The following KRTAP4-4 variants were observed in gnomAD, a reference collection of about 807,000 sequenced individuals.
KRTAP4-4 encodes keratin-associated protein 4-4.
For synonymous variants in KRTAP4-4, 88 were observed against 76.4 expected (o/e 1.15, Z -0.79); for missense variants, 186 against 206.9 (o/e 0.90, Z 0.62).
In KRTAP4-4 at chr17:41,160,436, A is replaced by G. The variant is rs1281496007; in HGVS notation, c.256T>C (p.Cys86Arg). 6.2e-7 allele frequency: 1 copy of G among 1,613,234 alleles called. No homozygotes were observed. Among genetic ancestry groups the G allele is most frequent in the African/African-American group, 1.3e-5 (1 of 74,714 alleles). Residue 86 changes from cysteine to arginine, a missense_variant, in exon 1 of 1, where the codon TGC becomes CGC. Transcript: ENST00000390661. ...CQSVCCQPTCCRPQCCQTTCC... is the reference protein window; with the variant it reads ...CQSVCCQPTCRRPQCCQTTCC... ...GTAGTCTGGCAGCATTGGGGTCTGC[A>G]GCAGGTGGGCTGGCAGCACACAGAC...
Position 41,160,695 on chromosome 17 carries a change from G to A in KRTAP4-4, c.-4C>T. On this transcript the variant is annotated 5_prime_UTR_variant, in exon 1 of 1. Coordinates refer to ENST00000390661, the MANE Select transcript of KRTAP4-4 (RefSeq NM_032524.2). Reference sequence around the variant, plus strand: ...AGCCACAACAGGAGTTGACCATGGTGTCAGAGGGTGGAGGTTCTGGGTGGG... The same window carrying A: ...AGCCACAACAGGAGTTGACCATGGTATCAGAGGGTGGAGGTTCTGGGTGGG... The A allele has an allele frequency of 6.2e-7, 1 of 1,604,012 alleles. No homozygotes were observed. Among genetic ancestry groups the A allele is most frequent in the Non-Finnish European group, 8.5e-7 (1 of 1,173,536 alleles).
Position 41,159,912 on chromosome 17 carries a change from G to T in KRTAP4-4, c.*279C>A. ...GCTTCCCATAACTCAGCTCATAGAT[G>T]AGCTACATCAAGAATGCTGGTTGAT... On this transcript the variant is annotated 3_prime_UTR_variant, in exon 1 of 1. Transcript: ENST00000390661. The T allele has an allele frequency of 1.7e-6, 1 of 586,130 alleles. No individual in the cohort carries two copies. The highest frequency in any genetic ancestry group is 2.1e-5 in the South Asian group (1 of 47,962). 36.3% of individuals were successfully genotyped at this position (586,130 alleles called of 1,614,324 possible).
At position 41,159,808 on chromosome 17, in the gene KRTAP4-4, G is replaced by T; in HGVS notation, c.*383C>A. On this transcript the variant is annotated 3_prime_UTR_variant, in exon 1 of 1. Transcript: ENST00000390661. ...TTACAACTTATGTTCATTTGGTAGAGAGGTAAAATGTGGGGGGAGCATATA... is the reference window on the plus strand; with the variant it reads ...TTACAACTTATGTTCATTTGGTAGATAGGTAAAATGTGGGGGGAGCATATA... The T allele has an allele frequency of 3.2e-6, 1 of 308,762 alleles. No homozygotes were observed. Among genetic ancestry groups the T allele is most frequent in the Non-Finnish European group, 6.0e-6 (1 of 166,204 alleles). The allele number at this position is 308,762 out of a possible 1,614,324, so 19.1% of individuals were successfully genotyped here. A position where few individuals can be genotyped will look rare whatever the true frequency, so the allele number is the denominator to read the frequency against.
In KRTAP4-4 at chr17:41,160,184, A is replaced by G. The variant is rs765864347; in HGVS notation, c.*7T>C. 22 of 1,611,202 alleles carry G rather than the reference A, an allele frequency of 1.4e-5. No homozygotes were observed. Among genetic ancestry groups the G allele is most frequent in the Non-Finnish European group, 1.8e-5 (21 of 1,178,244 alleles). ...GTCCTGTAGCAGGTGGTTTGCCAGC[A>G]GATGGGCTAGCAGCATAGAGACTGG... On this transcript the variant is annotated 3_prime_UTR_variant, in exon 1 of 1. Coordinates refer to ENST00000390661, the MANE Select transcript of KRTAP4-4 (RefSeq NM_032524.2).
In KRTAP4-4 at chr17:41,160,030, C is replaced by T. The variant is rs760540329; in HGVS notation, c.*161G>A. On this transcript the variant is annotated 3_prime_UTR_variant, in exon 1 of 1. Coordinates refer to ENST00000390661, the MANE Select transcript of KRTAP4-4 (RefSeq NM_032524.2). Reference sequence around the variant, plus strand: ...CATGGTCTGGCAGCAGTTGGGGCGGCAGCAACTGGAGATGCAGCAGGAGAG... The same window carrying T: ...CATGGTCTGGCAGCAGTTGGGGCGGTAGCAACTGGAGATGCAGCAGGAGAG... The T allele has an allele frequency of 1.3e-5, 16 of 1,218,764 alleles. No individual in the cohort carries two copies. Among genetic ancestry groups the T allele is most frequent in the Admixed American group, 2.3e-5 (1 of 43,662 alleles). 75.5% of individuals were successfully genotyped at this position (1,218,764 alleles called of 1,614,324 possible).
In KRTAP4-4 at chr17:41,160,064, A is replaced by C; in HGVS notation, c.*127T>G. 7.0e-7 allele frequency: 1 copy of C among 1,436,662 alleles called. No homozygotes were observed. The highest frequency in any genetic ancestry group is 9.5e-7 in the Non-Finnish European group (1 of 1,051,498). The allele number at this position is 1,436,662 out of a possible 1,614,324, so 89.0% of individuals were successfully genotyped here. A position where few individuals can be genotyped will look rare whatever the true frequency, so the allele number is the denominator to read the frequency against. The stretch of plus-strand genomic sequence containing the variant: ...GAGATGCAGCAGGAGAGCCTGCAGC[A>C]GCTGAAGCCACAGCAGGAGGAGCTA... On this transcript the variant is annotated 3_prime_UTR_variant, in exon 1 of 1. Transcript: ENST00000390661.
Position 41,160,023 on chromosome 17 carries a change from G to T in KRTAP4-4, c.*168C>A. The T allele has an allele frequency of 3.5e-6, 4 of 1,142,870 alleles. No individual in the cohort carries two copies. Among genetic ancestry groups the T allele is most frequent in the Non-Finnish European group, 5.0e-6 (4 of 795,682 alleles). The allele number at this position is 1,142,870 out of a possible 1,614,324, so 70.8% of individuals were successfully genotyped here. On this transcript the variant is annotated 3_prime_UTR_variant, in exon 1 of 1. Transcript: ENST00000390661. Reference sequence around the variant, plus strand: ...GGCAGCACATGGTCTGGCAGCAGTTGGGGCGGCAGCAACTGGAGATGCAGC... The same window carrying T: ...GGCAGCACATGGTCTGGCAGCAGTTTGGGCGGCAGCAACTGGAGATGCAGC...
In KRTAP4-4 at chr17:41,159,863, G is replaced by T; in HGVS notation, c.*328C>A. On this transcript the variant is annotated 3_prime_UTR_variant, in exon 1 of 1. Transcript: ENST00000390661. ...GAGGCCAGATTCAATCTAAGAATTG[G>T]TTGGAACTGAAGTTTTCCAACTAGC... The T allele has an allele frequency of 2.2e-6, 1 of 449,734 alleles. No homozygotes were observed. The highest frequency in any genetic ancestry group is 4.0e-6 in the Non-Finnish European group (1 of 247,730). 27.9% of individuals were successfully genotyped at this position (449,734 alleles called of 1,614,324 possible). A position where few individuals can be genotyped will look rare whatever the true frequency, so the allele number is the denominator to read the frequency against.
In KRTAP4-4 at chr17:41,160,369, G is replaced by T; in HGVS notation, c.323C>A (p.Pro108His). 1 of 1,612,348 alleles carries T rather than the reference G, an allele frequency of 6.2e-7. No individual in the cohort carries two copies. Among genetic ancestry groups the T allele is most frequent in the Middle Eastern group, 1.7e-4 (1 of 5,976 alleles). The change falls in exon 1 of 1, where the codon CCC (proline) becomes CAC (histidine). Residue 108 changes from proline to histidine, a missense_variant. Physicochemically the swap from Pro to His is moderately conservative, Grantham distance 77. Transcript: ENST00000390661. ...GCAGCACACAGACTGGCAGCACTGG[G>T]GCCTGCAGCAGCTGGGGCGGCAGCA... The part of the protein sequence containing the change: ...TTCCRPSCCR[P>H]QCCQSVCCQP...
In KRTAP4-4 at chr17:41,160,426, T is replaced by C; in HGVS notation, c.266A>G (p.Gln89Arg). The C allele has an allele frequency of 6.3e-7, 1 of 1,581,520 alleles. No individual in the cohort carries two copies. Among genetic ancestry groups the C allele is most frequent in the East Asian group, 2.3e-5 (1 of 43,404 alleles). The part of the protein sequence containing the change: ...VCCQPTCCRP[Q>R]CCQTTCCRTT... ...CCTACAGCAGGTAGTCTGGCAGCAT[T>C]GGGGTCTGCAGCAGGTGGGCTGGCA... Residue 89 changes from glutamine (Q) to arginine (R), a missense_variant, in exon 1 of 1, where the codon CAA (glutamine) becomes CGA (arginine). By Grantham distance (43) the Gln-to-Arg change is conservative (BLOSUM62 1). Coordinates refer to ENST00000390661, the MANE Select transcript of KRTAP4-4 (RefSeq NM_032524.2).
In KRTAP4-4 at chr17:41,160,508, G is replaced by T; in HGVS notation, c.184C>A (p.His62Asn). The T allele has an allele frequency of 1.2e-6, 2 of 1,612,418 alleles. No homozygotes were observed. Among genetic ancestry groups the T allele is most frequent in the South Asian group, 1.1e-5 (1 of 91,002 alleles). Reference sequence around the variant, plus strand: ...CAGCTGGACACACAGCAGCTGGGGTGGCAGCAGGTGGTCCTGCAGCAGGTG... The same window carrying T: ...CAGCTGGACACACAGCAGCTGGGGTTGCAGCAGGTGGTCCTGCAGCAGGTG... ...QTTCCRTTCC[H>N]PSCCVSSCCR... Residue 62 changes from histidine (H) to asparagine (N), a missense_variant, in exon 1 of 1, where the codon CAC becomes AAC. Physicochemically the swap from His to Asn is moderately conservative, Grantham distance 68. Transcript: ENST00000390661.
In KRTAP4-4 at chr17:41,159,947, G is replaced by A. The variant is rs771789845; in HGVS notation, c.*244C>T. The A allele has an allele frequency of 3.1e-6, 2 of 644,692 alleles. No individual in the cohort carries two copies. The highest frequency in any genetic ancestry group is 1.8e-5 in the African/African-American group (1 of 54,550). 39.9% of individuals were successfully genotyped at this position (644,692 alleles called of 1,614,324 possible). On this transcript the variant is annotated 3_prime_UTR_variant, in exon 1 of 1. Transcript: ENST00000390661. ...AAGAATGCTGGTTGATGAGAATCTG[G>A]TGAGTCCAGATGACAGCCTCAGCAG...
chr17:41,160,387 C>G lies in KRTAP4-4; in HGVS notation c.305G>C (p.Arg102Pro). 6.2e-7 allele frequency: 1 copy of G among 1,602,934 alleles called. No individual in the cohort carries two copies. The highest frequency in any genetic ancestry group is 1.1e-5 in the South Asian group (1 of 90,616). The change falls in exon 1 of 1, where the codon CGC (arginine) becomes CCC (proline). Residue 102 changes from arginine to proline, a missense_variant. Transcript: ENST00000390661. The part of the protein sequence containing the change: ...QTTCCRTTCC[R>P]PSCCRPQCCQ... Reference sequence around the variant, plus strand: ...GCACTGGGGCCTGCAGCAGCTGGGGCGGCAGCAGGTGGTCCTACAGCAGGT... The same window carrying G: ...GCACTGGGGCCTGCAGCAGCTGGGGGGGCAGCAGGTGGTCCTACAGCAGGT...
Position 41,159,882 on chromosome 17 carries a change from A to G in KRTAP4-4, c.*309T>C, listed in dbSNP as rs1317188986. 1.8e-5 allele frequency: 9 copies of G among 501,672 alleles called. No homozygotes were observed. Among genetic ancestry groups the G allele is most frequent in the Non-Finnish European group, 2.5e-5 (7 of 278,058 alleles). The allele number at this position is 501,672 out of a possible 1,614,324, so 31.1% of individuals were successfully genotyped here. A position where few individuals can be genotyped will look rare whatever the true frequency, so the allele number is the denominator to read the frequency against. Reference sequence around the variant, plus strand: ...GAATTGGTTGGAACTGAAGTTTTCCAACTAGCTTCCCATAACTCAGCTCAT... The same window carrying G: ...GAATTGGTTGGAACTGAAGTTTTCCGACTAGCTTCCCATAACTCAGCTCAT... On this transcript the variant is annotated 3_prime_UTR_variant, in exon 1 of 1. Coordinates refer to ENST00000390661, the MANE Select transcript of KRTAP4-4 (RefSeq NM_032524.2).
At position 41,159,824 on chromosome 17, in the gene KRTAP4-4, G is replaced by A. The variant is rs1248963932; in HGVS notation, c.*367C>T. 8.6e-6 allele frequency: 3 copies of A among 347,966 alleles called. No individual in the cohort carries two copies. The highest frequency in any genetic ancestry group is 4.4e-5 in the Admixed American group (1 of 22,922). 21.6% of individuals were successfully genotyped at this position (347,966 alleles called of 1,614,324 possible). ...TTTGGTAGAGAGGTAAAATGTGGGG[G>A]GAGCATATATTTGGAGGCCAGATTC... On this transcript the variant is annotated 3_prime_UTR_variant, in exon 1 of 1. Coordinates refer to ENST00000390661, the MANE Select transcript of KRTAP4-4 (RefSeq NM_032524.2).
Position 41,159,870 on chromosome 17 carries a change from C to G in KRTAP4-4, c.*321G>C. 1 of 472,788 alleles carries G rather than the reference C, an allele frequency of 2.1e-6. No individual in the cohort carries two copies. Among genetic ancestry groups the G allele is most frequent in the Non-Finnish European group, 3.8e-6 (1 of 260,708 alleles). The allele number at this position is 472,788 out of a possible 1,614,324, so 29.3% of individuals were successfully genotyped here. Reference sequence around the variant, plus strand: ...GATTCAATCTAAGAATTGGTTGGAACTGAAGTTTTCCAACTAGCTTCCCAT... The same window carrying G: ...GATTCAATCTAAGAATTGGTTGGAAGTGAAGTTTTCCAACTAGCTTCCCAT... On this transcript the variant is annotated 3_prime_UTR_variant, in exon 1 of 1. Transcript: ENST00000390661.
chr17:41,160,039 G>C lies in KRTAP4-4; in HGVS notation c.*152C>G. ...GCAGCAGTTGGGGCGGCAGCAACTG[G>C]AGATGCAGCAGGAGAGCCTGCAGCA... On this transcript the variant is annotated 3_prime_UTR_variant, in exon 1 of 1. Transcript: ENST00000390661. The C allele has an allele frequency of 7.9e-7, 1 of 1,264,826 alleles. No individual in the cohort carries two copies. Among genetic ancestry groups the C allele is most frequent in the South Asian group, 1.4e-5 (1 of 70,606 alleles). The allele number at this position is 1,264,826 out of a possible 1,614,324, so 78.4% of individuals were successfully genotyped here. A position where few individuals can be genotyped will look rare whatever the true frequency, so the allele number is the denominator to read the frequency against.
Position 41,160,415 on chromosome 17 carries a change from T to C in KRTAP4-4, c.277A>G (p.Thr93Ala), listed in dbSNP as rs1235143654. 1.2e-6 allele frequency: 2 copies of C among 1,608,368 alleles called. No homozygotes were observed. The highest frequency in any genetic ancestry group is 8.5e-7 in the Non-Finnish European group (1 of 1,178,640). Residue 93 changes from threonine (T) to alanine (A), a missense_variant, in exon 1 of 1, where the codon ACT becomes GCT. Transcript: ENST00000390661. ...PTCCRPQCCQ[T>A]TCCRTTCCRP... Reference sequence around the variant, plus strand: ...CAGCAGGTGGTCCTACAGCAGGTAGTCTGGCAGCATTGGGGTCTGCAGCAG... The same window carrying C: ...CAGCAGGTGGTCCTACAGCAGGTAGCCTGGCAGCATTGGGGTCTGCAGCAG...
chr17:41,159,658 A>G lies in KRTAP4-4; in HGVS notation c.*533T>C, dbSNP rs1403868133. 1 of 167,702 alleles carries G rather than the reference A, an allele frequency of 6.0e-6. No individual in the cohort carries two copies. The highest frequency in any genetic ancestry group is 1.3e-5 in the Non-Finnish European group (1 of 76,368). 10.4% of individuals were successfully genotyped at this position (167,702 alleles called of 1,614,324 possible). On this transcript the variant is annotated 3_prime_UTR_variant, in exon 1 of 1. Coordinates refer to ENST00000390661, the MANE Select transcript of KRTAP4-4 (RefSeq NM_032524.2). ...TGAGACACAGTATCTGTATATTTCT[A>G]TGCCTGAAAATTTATTTAAGATTTA...
Sources: allele counts gnomAD v4.1 joint callset, GRCh38; gene constraint gnomAD v4.1.1; transcripts MANE v1.5; gene names NCBI Gene and HGNC (gene_info 2026-07-23, HGNC 2026-07-21).